Variants in NRXN3 observed in about 807,000 individuals in gnomAD.
NRXN3 encodes the protein neurexin 3.
A neutral mutation model predicts 137.6 loss-of-function variants in NRXN3; 32 were observed. The ratio of observed to expected loss-of-function variants is 0.23; its 90% CI spans 0.18 to 0.31. NRXN3 has a LOEUF of 0.31. Among genes scored for constraint, NRXN3 ranks in the 10% least tolerant of loss-of-function variants. The probability of loss-of-function intolerance (pLI) is 1.00; values close to 1 mark genes in which losing one functional copy is unlikely to be tolerated. For synonymous variants in NRXN3, 798 were observed against 784.5 expected (o/e 1.02, Z -0.29); for missense variants, 1,574 against 2,062.5 (o/e 0.76, Z 4.59).
At chr14:79,211,681 C>T (rs946374306) in intron 15 of NRXN3, among the ~76,000 whole-genome samples, 10 of 152,138 alleles carry the variant, frequency 6.6e-5, no homozygotes, top group African/African-American at 2.4e-4. Flanking sequence ...CTACAGTCTT[C>T]AATAATTGAG....
intron 16 of NRXN3, among the ~76,000 whole-genome samples, chr14:79,557,279 C>T (rs556592232): frequency 5.3e-5 from 8 of 151,384 alleles, no homozygotes; most frequent in Admixed American, 6.6e-5. Flanking sequence ...AATACCTTAG[C>T]GTGAGCAAAG....
At position 79,861,971 on chromosome 14, in the gene NRXN3, G is replaced by A. The variant is rs373223216; in HGVS notation, c.*7G>A. 2.5e-6 allele frequency: 4 copies of A among 1,603,242 alleles called. No individual in the cohort carries two copies. The highest frequency in any genetic ancestry group is 2.2e-5 in the East Asian group (1 of 44,694). On this transcript the variant is annotated 3_prime_UTR_variant, in exon 21 of 21. Coordinates refer to ENST00000335750, the MANE Select transcript of NRXN3 (RefSeq NM_001330195.2). The surrounding 1 kb of genome is among the most constrained non-coding windows in gnomAD (Gnocchi z 5.4). ...CAGGGAGTATTACGTGTAAACATGC[G>A]AACACTGCTCACACGCGAGTTTTCA...
intron 15 of NRXN3, among the ~76,000 whole-genome samples, chr14:79,172,936 A>T (rs1001060075): frequency 1.3e-5 from 2 of 152,254 alleles, no homozygotes; most frequent in Non-Finnish European, 2.9e-5. Flanking sequence ...TGGAAATTTA[A>T]TCACTTCCAA....
At chr14:78,884,345 G>C (rs1038390823) in intron 10 of NRXN3, among the ~76,000 whole-genome samples, 1 of 151,906 alleles carries the variant, frequency 6.6e-6, no homozygotes, top group Non-Finnish European at 1.5e-5. Flanking sequence ...CAGCAGTGTC[G>C]GTGGATAGCA....
chr14:78,482,441 A>G (rs996324677), intron 4 of NRXN3, among the ~76,000 whole-genome samples: 5 of 152,126 alleles, frequency 3.3e-5, no homozygotes, highest in Admixed American at 3.3e-4. Context: ...TGAGTCCTCA[A>G]GGGGAGACAA....
chr14:79,163,310 A>T (rs1195279353), intron 15 of NRXN3, among the ~76,000 whole-genome samples: 1 of 151,934 alleles, frequency 6.6e-6, no homozygotes, highest in East Asian at 1.9e-4. Context: ...CTTCAAGCCC[A>T]GGTGAATAAG....
intron 15 of NRXN3, among the ~76,000 whole-genome samples, chr14:79,376,795 T>A (rs1367329851): frequency 1.3e-5 from 2 of 152,184 alleles, no homozygotes; most frequent in African/African-American, 4.8e-5. Flanking sequence ...TGCATATGGA[T>A]AGATGTTTCT....
chr14:78,829,558 C>T (rs1260213882), intron 10 of NRXN3, among the ~76,000 whole-genome samples: 4 of 151,882 alleles, frequency 2.6e-5, no homozygotes, highest in Non-Finnish European at 5.9e-5. Flanking sequence ...TCTAGAAGCC[C>T]AAAACTCATC....
intron 14 of NRXN3, among the ~76,000 whole-genome samples, chr14:78,973,158 G>A (rs1337302816): frequency 6.6e-6 from 1 of 152,162 alleles, no homozygotes; most frequent in Admixed American, 6.5e-5. Context: ...TACCAAAGAG[G>A]TTTGACAGCA....
chr14:79,659,651 CCAGGTGCTTCA>C (rs1014873886), intron 16 of NRXN3, among the ~76,000 whole-genome samples: 3 of 152,088 alleles, frequency 2.0e-5, no homozygotes, highest in Non-Finnish European at 4.4e-5. Context: ...ACAGTGAATG[CCAGGTGCTTCA>C]CATGTCTGTG....
intron 4 of NRXN3, among the ~76,000 whole-genome samples, chr14:78,373,872 T>C (rs1363816972): frequency 6.6e-6 from 1 of 152,266 alleles, no homozygotes; most frequent in Non-Finnish European, 1.5e-5. Context: ...AATGAGCTTT[T>C]AGCTTGCATC....
At chr14:78,183,194 G>A (rs905623940) in intron 1 of NRXN3, among the ~76,000 whole-genome samples, 11 of 152,300 alleles carry the variant, frequency 7.2e-5, no homozygotes, top group African/African-American at 2.4e-4. Context: ...CATCAGGCCA[G>A]CCCTCTTCCT....
chr14:79,737,260 T>C (rs2098945336), intron 19 of NRXN3, among the ~76,000 whole-genome samples: 1 of 152,232 alleles, frequency 6.6e-6, no homozygotes, highest in African/African-American at 2.4e-5. Context: ...AAATGTTGGC[T>C]GATGGCTTCC....
intron 10 of NRXN3, among the ~76,000 whole-genome samples, chr14:78,932,627 T>C (rs1282999428): frequency 6.6e-6 from 1 of 151,938 alleles, no homozygotes; most frequent in African/African-American, 2.4e-5. Flanking sequence ...GAAAAAGGAG[T>C]GGGCACATTT....
intron 15 of NRXN3, among the ~76,000 whole-genome samples, chr14:79,090,555 C>G (rs2048967210): frequency 6.6e-6 from 1 of 151,994 alleles, no homozygotes; most frequent in African/African-American, 2.4e-5. Flanking sequence ...CCCTACAAAC[C>G]TCTCTTAGTT....
At chr14:78,736,608 C>G (rs80067042) in intron 8 of NRXN3, among the ~76,000 whole-genome samples, 12,091 of 152,184 alleles carry the variant, frequency 0.079, 551 homozygotes, top group Admixed American at 0.11. Context: ...GTTCCCAACT[C>G]TAATAGTAAT....
At chr14:79,821,535 T>C (rs975339589) in intron 20 of NRXN3, among the ~76,000 whole-genome samples, 5 of 152,226 alleles carry the variant, frequency 3.3e-5, no homozygotes, top group Non-Finnish European at 5.9e-5. Context: ...TTTTGTTTCT[T>C]AAATTCCTTT....
intron 15 of NRXN3, chr14:79,249,117 A>G (rs762576539): frequency 2.6e-5 from 4 of 152,240 alleles, no homozygotes; most frequent in Non-Finnish European, 5.9e-5. Flanking sequence ...TTCTAAGCAC[A>G]TAGTTAGATG....
chr14:79,490,219 T>G (rs147672418), intron 16 of NRXN3, among the ~76,000 whole-genome samples: 62 of 152,130 alleles, frequency 4.1e-4, no homozygotes, highest in African/African-American at 1.4e-3. Flanking sequence ...TTGGTTGGAA[T>G]GTAAATTAGT....
Sources: gnomAD v4.1 joint callset for allele counts (sites outside exome capture counted in the v4.1 genomes callset) on GRCh38, gnomAD v4.1.1 for gene constraint, Gnocchi (gnomAD v3.1) non-coding constraint, MANE v1.5 for transcripts, NCBI Gene and HGNC (gene_info 2026-07-23, HGNC 2026-07-21) for gene names.